PTPRD: variants seen among roughly 807,000 people sequenced by gnomAD.
PTPRD encodes the protein receptor-type tyrosine-protein phosphatase delta.
In PTPRD, 34 loss-of-function variants were observed where a neutral mutation model predicts 214.5. The observed-to-expected ratio is 0.16, with a 90% CI of 0.12 to 0.21. The LOEUF is 0.21. Among genes scored for constraint, PTPRD ranks in the 10% least tolerant of loss-of-function variants. PTPRD has a pLI of 1.00. For synonymous variants in PTPRD, 1,128 were observed against 845.7 expected (o/e 1.33, Z -5.79); for missense variants, 2,545 against 2,398.7 (o/e 1.06, Z -1.27).
Position 8,470,980 on chromosome 9 carries a change from CAAT to C in PTPRD, c.3504+12_3504+14del. 1 of 1,604,132 alleles carries C rather than the reference CAAT, an allele frequency of 6.2e-7. No individual in the cohort carries two copies. The highest frequency in any genetic ancestry group is 8.5e-7 in the Non-Finnish European group (1 of 1,171,224). On this transcript the variant is annotated intron_variant, in intron 31 of 45. Transcript: ENST00000381196. Reference sequence around the variant, plus strand: ...AATAACGAATAAAAGACATGGCCAACAATGACACAGTTACCTCATCTAATTCCA... The same window carrying C: ...AATAACGAATAAAAGACATGGCCAACGACACAGTTACCTCATCTAATTCCA...
chr9:8,977,675 T>C lies in PTPRD; in HGVS notation c.-104+41022A>G, dbSNP rs531693115. ...TCTGTAACAAGGAGAATTTTTTTTTTTTTTTTTGCTAGTCCTCAGTTGTCC... is the reference window on the plus strand; with the variant it reads ...TCTGTAACAAGGAGAATTTTTTTTTCTTTTTTTGCTAGTCCTCAGTTGTCC... On this transcript the variant is annotated intron_variant, in intron 11 of 45. Transcript: ENST00000381196. 2.0e-5 allele frequency among the ~76,000 whole-genome samples: 3 copies of C among 151,872 alleles called. No individual in the cohort carries two copies. In the East Asian group the frequency reaches 5.8e-4, roughly 30 times the overall value.
intron 3 of PTPRD, among the ~76,000 whole-genome samples, chr9:10,237,797 C>T (rs1402930014): frequency 1.3e-5 from 2 of 151,980 alleles, no homozygotes; most frequent in East Asian, 3.9e-4. Context: ...CATAGCATCA[C>T]CATCATTATG....
intron 9 of PTPRD, among the ~76,000 whole-genome samples, chr9:9,388,961 A>G (rs1385625272): frequency 6.6e-6 from 1 of 152,170 alleles, no homozygotes; most frequent in African/African-American, 2.4e-5. Flanking sequence ...ACAATAAATC[A>G]GTGTGGGAGA....
At chr9:9,630,378 GC>G (rs1266580920) in intron 7 of PTPRD, among the ~76,000 whole-genome samples, 2 of 152,124 alleles carry the variant, frequency 1.3e-5, no homozygotes, top group Non-Finnish European at 2.9e-5. Context: ...AAAGGAGAAG[GC>G]AGGGAGAGGA....
chr9:10,079,688 T>C, intron 3 of PTPRD, among the ~76,000 whole-genome samples: 1 of 152,160 alleles, frequency 6.6e-6, no homozygotes, highest in East Asian at 1.9e-4. Flanking sequence ...CCAAGATCTT[T>C]CACAGCTGTA....
chr9:9,100,801 T>C (rs1329120487), intron 10 of PTPRD, among the ~76,000 whole-genome samples: 1 of 152,162 alleles, frequency 6.6e-6, no homozygotes, highest in Non-Finnish European at 1.5e-5. Context: ...CTCACAGTGA[T>C]GTAATATATA....
chr9:10,073,843 T>C (rs1415512377), intron 3 of PTPRD, among the ~76,000 whole-genome samples: 1 of 152,158 alleles, frequency 6.6e-6, no homozygotes, highest in South Asian at 2.1e-4. Flanking sequence ...TACTGGGTTC[T>C]GAGAATTTTT....
At chr9:10,360,714 T>C (rs2097364398) in intron 2 of PTPRD, among the ~76,000 whole-genome samples, 1 of 152,256 alleles carries the variant, frequency 6.6e-6, no homozygotes, top group Admixed American at 6.5e-5. Context: ...TTTAATCTAA[T>C]GATATTTACT....
At chr9:8,910,849 A>G (rs908589315) in intron 11 of PTPRD, among the ~76,000 whole-genome samples, 1 of 152,252 alleles carries the variant, frequency 6.6e-6, no homozygotes, top group African/African-American at 2.4e-5. Context: ...AGTAAAAATT[A>G]TGTTCATAAT....
chr9:10,148,303 C>G (rs1346237522), intron 3 of PTPRD, among the ~76,000 whole-genome samples: 1 of 152,078 alleles, frequency 6.6e-6, no homozygotes, highest in Non-Finnish European at 1.5e-5. Flanking sequence ...ATAAATTGAC[C>G]TATTAATAAT....
intron 6 of PTPRD, among the ~76,000 whole-genome samples, chr9:9,754,323 T>A (rs528336751): frequency 2.9e-4 from 44 of 152,200 alleles, no homozygotes; most frequent in African/African-American, 9.9e-4. Context: ...ACTGGATGAC[T>A]TGTAAACTTT....
At chr9:9,747,458 G>T (rs2098469197) in intron 6 of PTPRD, among the ~76,000 whole-genome samples, 1 of 151,988 alleles carries the variant, frequency 6.6e-6, no homozygotes, top group African/African-American at 2.4e-5. Context: ...ACAAAACTGG[G>T]GCTGAAAATT....
At chr9:9,641,726 G>A (rs1022138561) in intron 7 of PTPRD, among the ~76,000 whole-genome samples, 1 of 152,140 alleles carries the variant, frequency 6.6e-6, no homozygotes, top group Non-Finnish European at 1.5e-5. Context: ...GATTAAACAA[G>A]TCTAACTGTG....
At chr9:8,929,099 G>A (rs1252420122) in intron 11 of PTPRD, among the ~76,000 whole-genome samples, 3 of 152,200 alleles carry the variant, frequency 2.0e-5, no homozygotes, top group East Asian at 1.9e-4. Context: ...CTGAGACGAT[G>A]GGGTTTTCTA....
intron 11 of PTPRD, among the ~76,000 whole-genome samples, chr9:9,006,935 ACT>A (rs1230883206): frequency 6.6e-6 from 1 of 151,966 alleles, no homozygotes; most frequent in African/African-American, 2.4e-5. Context: ...AAATCTAATA[ACT>A]CTTTCTTCCT....
chr9:8,442,017 G>A (rs1407007776), intron 34 of PTPRD, among the ~76,000 whole-genome samples: 1 of 152,148 alleles, frequency 6.6e-6, no homozygotes, highest in Non-Finnish European at 1.5e-5. Flanking sequence ...TCCTCAGTTT[G>A]TGAAAAAGTG....
intron 5 of PTPRD, among the ~76,000 whole-genome samples, chr9:9,920,520 CT>C (rs1268892239): frequency 6.6e-6 from 1 of 152,042 alleles, no homozygotes; most frequent in Non-Finnish European, 1.5e-5. Flanking sequence ...TGTTTTTGTC[CT>C]TGTGGTACTG....
chr9:9,581,931 G>C (rs2090902062), intron 7 of PTPRD, among the ~76,000 whole-genome samples: 1 of 151,952 alleles, frequency 6.6e-6, no homozygotes, highest in African/African-American at 2.4e-5. Flanking sequence ...TCACAAATAA[G>C]ACAAAAACCA....
At chr9:9,098,915 T>C (rs2099787483) in intron 10 of PTPRD, among the ~76,000 whole-genome samples, 1 of 152,160 alleles carries the variant, frequency 6.6e-6, no homozygotes, top group South Asian at 2.1e-4. Context: ...CTGTGATATC[T>C]CTAGATAAAG....
Sources: allele counts gnomAD v4.1 joint callset (sites outside exome capture counted in the v4.1 genomes callset), GRCh38; gene constraint gnomAD v4.1.1; transcripts MANE v1.5; gene names NCBI Gene and HGNC (gene_info 2026-07-23, HGNC 2026-07-21).